Variants in SLC4A10 observed in about 807,000 individuals in gnomAD.
The protein encoded by SLC4A10 is sodium-driven chloride bicarbonate exchanger.
In SLC4A10, 42 loss-of-function variants were observed where a neutral mutation model predicts 137.7. That is an observed-to-expected ratio of 0.30 (90% CI 0.24 to 0.39). The LOEUF (loss-of-function observed/expected upper bound fraction) is 0.39. Among genes scored for constraint, SLC4A10 ranks in the 10% least tolerant of loss-of-function variants. The pLI is 1.00. For synonymous variants in SLC4A10, 474 were observed against 464.1 expected (o/e 1.02, Z -0.27); for missense variants, 925 against 1,355.0 (o/e 0.68, Z 4.98).
intron 2 of SLC4A10, among the ~76,000 whole-genome samples, chr2:161,780,951 C>T (rs2052941604): frequency 6.6e-6 from 1 of 151,874 alleles, no homozygotes; most frequent in South Asian, 2.1e-4. Flanking sequence ...CAAAACAACC[C>T]TGAATGTGAA....
intron 5 of SLC4A10, among the ~76,000 whole-genome samples, chr2:161,861,958 G>A (rs945200152): frequency 6.6e-6 from 1 of 152,136 alleles, no homozygotes; most frequent in Non-Finnish European, 1.5e-5. Flanking sequence ...GGCAGTGGAA[G>A]GCAGCTCATT....
intron 3 of SLC4A10, among the ~76,000 whole-genome samples, chr2:161,810,424 A>G (rs1417021790): frequency 6.6e-6 from 1 of 151,962 alleles, no homozygotes; most frequent in Non-Finnish European, 1.5e-5. Context: ...TGGTAAGAGT[A>G]GGCATCACTT....
intron 15 of SLC4A10, among the ~76,000 whole-genome samples, chr2:161,931,835 A>G (rs369487033): frequency 1.2e-4 from 19 of 152,308 alleles, no homozygotes; most frequent in African/African-American, 4.3e-4. Context: ...GAGATCAAAG[A>G]ACTAATGTGT....
At chr2:161,708,668 CTGT>C in intron 1 of SLC4A10, 1 of 1,495,292 alleles carries the variant, frequency 6.7e-7, no homozygotes, top group South Asian at 1.3e-5. Context: ...ATGGACAGAT[CTGT>C]TGTTTGATAT....
At chr2:161,711,423 T>C (rs1158043976) in intron 1 of SLC4A10, among the ~76,000 whole-genome samples, 1 of 151,748 alleles carries the variant, frequency 6.6e-6, no homozygotes, top group Non-Finnish European at 1.5e-5. Flanking sequence ...GTCCTTTGAA[T>C]AAAATGGGGG....
chr2:161,671,658 C>A (rs1432214249), intron 1 of SLC4A10, among the ~76,000 whole-genome samples: 3 of 152,108 alleles, frequency 2.0e-5, no homozygotes, highest in Admixed American at 6.6e-5. Flanking sequence ...ATGTGACAAG[C>A]CTGCATATGT....
At chr2:161,771,241 G>A (rs1699888628) in intron 2 of SLC4A10, among the ~76,000 whole-genome samples, 187 bp downstream of exon 2, 1 of 151,884 alleles carries the variant, frequency 6.6e-6, no homozygotes, top group African/African-American at 2.4e-5. Flanking sequence ...TGAAATCAAT[G>A]AGAAGCATCA....
intron 23 of SLC4A10, among the ~76,000 whole-genome samples, chr2:161,969,967 A>G (rs909764335): frequency 6.6e-6 from 1 of 152,188 alleles, no homozygotes; most frequent in Non-Finnish European, 1.5e-5. Context: ...GTGTGGTTCC[A>G]GAACCACTGC....
At chr2:161,978,557 G>C (rs944966095) in intron 26 of SLC4A10, among the ~76,000 whole-genome samples, 1 of 152,082 alleles carries the variant, frequency 6.6e-6, no homozygotes, top group East Asian at 1.9e-4. Context: ...TAGACTTAGA[G>C]AATATATCTC....
chr2:161,863,758 C>T (rs1340130775), intron 6 of SLC4A10, among the ~76,000 whole-genome samples: 1 of 152,096 alleles, frequency 6.6e-6, no homozygotes, highest in East Asian at 1.9e-4. Context: ...TTGTTCTCTC[C>T]TTGCGTTTAT....
chr2:161,945,182 G>GTGTGTGTATATA (rs1185711774), intron 16 of SLC4A10, among the ~76,000 whole-genome samples: 1 of 88,830 alleles, frequency 1.1e-5, no homozygotes, highest in African/African-American at 4.3e-5. Flanking sequence ...AAGTTTGTGT[G>GTGTGTGTATATA]TATATATATA....
chr2:161,761,819 C>A (rs1296143141), intron 1 of SLC4A10, among the ~76,000 whole-genome samples: 1 of 152,030 alleles, frequency 6.6e-6, no homozygotes, highest in Non-Finnish European at 1.5e-5. Context: ...AAACTTTGAA[C>A]CCTGAACCTG....
chr2:161,917,629 C>T (rs910277171), intron 15 of SLC4A10, among the ~76,000 whole-genome samples: 2 of 150,510 alleles, frequency 1.3e-5, no homozygotes, highest in Non-Finnish European at 3.0e-5. Flanking sequence ...TGCCAATGTG[C>T]TTGTAGCATT....
chr2:161,690,651 G>A (rs981712335), intron 1 of SLC4A10, among the ~76,000 whole-genome samples: 2 of 152,142 alleles, frequency 1.3e-5, no homozygotes, highest in Non-Finnish European at 2.9e-5. Context: ...CATGAACATG[G>A]ATGGAGCAGA....
At chr2:161,725,672 A>C (rs1003500486) in intron 1 of SLC4A10, among the ~76,000 whole-genome samples, 4 of 152,180 alleles carry the variant, frequency 2.6e-5, no homozygotes, top group African/African-American at 7.2e-5. Flanking sequence ...TAATCATTTG[A>C]GATGTCTAAA....
intron 6 of SLC4A10, among the ~76,000 whole-genome samples, chr2:161,864,742 CAT>C (rs2060633543): frequency 6.6e-6 from 1 of 152,060 alleles, no homozygotes. Flanking sequence ...ATATTTAAAA[CAT>C]ATTTATATTC....
At chr2:161,835,238 C>T (rs2058692832) in intron 3 of SLC4A10, among the ~76,000 whole-genome samples, 1 of 152,074 alleles carries the variant, frequency 6.6e-6, no homozygotes, top group South Asian at 2.1e-4. Context: ...GGGATTTCAC[C>T]ATGCTGGCCA....
rs572478306 is a variant in SLC4A10, at chr2:161,913,428, C to G, written c.1997+7541C>G. 2.0e-5 allele frequency among the ~76,000 whole-genome samples: 3 copies of G among 152,142 alleles called. No individual in the cohort carries two copies. The East Asian group carries it at 5.8e-4, about 29-fold the overall frequency. On this transcript the variant is annotated intron_variant, in intron 15 of 26. Transcript: ENST00000446997. ...AAAAATATAATAAATAATAAAGCCA[C>G]TTGACAGAATAGACAGAAATACAAT...
chr2:161,918,258 T>C (rs1687484982), intron 15 of SLC4A10, among the ~76,000 whole-genome samples: 1 of 152,080 alleles, frequency 6.6e-6, no homozygotes, highest in African/African-American at 2.4e-5. Context: ...TGGGCTCAAG[T>C]GATTCTCCTG....
Sources: gnomAD v4.1 joint callset for allele counts (sites outside exome capture counted in the v4.1 genomes callset) on GRCh38, gnomAD v4.1.1 for gene constraint, MANE v1.5 for transcripts, NCBI Gene and HGNC (gene_info 2026-07-23, HGNC 2026-07-21) for gene names.